Variants in DCLRE1C observed in about 807,000 individuals in gnomAD.
DCLRE1C encodes the protein protein artemis.
In DCLRE1C, 47 loss-of-function variants were observed where a neutral mutation model predicts 61.4. The observed-to-expected ratio is 0.77, with a 90% confidence interval of 0.61 to 0.98. DCLRE1C has a LOEUF of 0.98. Ranked by LOEUF, DCLRE1C falls within the 50% of genes least tolerant of loss-of-function variation. The probability of loss-of-function intolerance (pLI) is 0.00; values close to 1 mark genes in which losing one functional copy is unlikely to be tolerated. For synonymous variants in DCLRE1C, 337 were observed against 287.6 expected (o/e 1.17, Z -1.74); for missense variants, 858 against 816.0 (o/e 1.05, Z -0.63).
At position 14,919,827 on chromosome 10, in the gene DCLRE1C, T is replaced by G. The variant is rs1836805445; in HGVS notation, c.1067A>C (p.Lys356Thr). The part of the protein sequence containing the change: ...TTMDKVVEIL[K>T]PLCRSSQSTE... ...ACTTTGGGAAGACCGGCATAAAGGC[T>G]TTAAGCTGAAATGAATCAGAATATT... is the stretch of plus-strand genomic sequence containing the variant. The change falls in exon 13 of 14, where the codon AAG (lysine) becomes ACG (threonine). Residue 356 changes from lysine to threonine, a missense_variant. By Grantham distance (78) the Lys-to-Thr change is moderately conservative. Around this residue, in one of 2 missense-constraint regions of DCLRE1C, gnomAD observed 843 missense variants for 783.5 expected, o/e 1.08. Transcript: ENST00000378278. 1.2e-6 allele frequency: 2 copies of G among 1,611,886 alleles called. No homozygotes were observed. Among genetic ancestry groups the G allele is most frequent in the Admixed American group, 3.3e-5 (2 of 60,022 alleles).
chr10:14,902,185 CAAG>C (rs1834073025), downstream of DCLRE1C, among the ~76,000 whole-genome samples: 1 of 152,176 alleles, frequency 6.6e-6, no homozygotes, highest in South Asian at 2.1e-4. Context: ...ACCATCCTTT[CAAG>C]ACAATTCATT....
intron 2 of DCLRE1C, 93 bp downstream of exon 2, chr10:14,948,943 T>G (rs929498601): frequency 5.9e-5 from 52 of 886,692 alleles, no homozygotes; most frequent in Non-Finnish European, 8.6e-5. Flanking sequence ...ATTTTGTAAA[T>G]GACTATATGC....
chr10:14,906,803 TAACA>T lies in DCLRE1C; in HGVS notation c.*1601_*1604del, dbSNP rs1185476428. 6.6e-6 allele frequency among the ~76,000 whole-genome samples: 1 copy of T among 152,220 alleles called. No homozygotes were observed. The highest frequency in any genetic ancestry group is 1.5e-5 in the Non-Finnish European group (1 of 68,036). On this transcript the variant is annotated 3_prime_UTR_variant, in exon 14 of 14. Transcript: ENST00000378278. ...AAAACTTGTTAAAAATCCTCATACATAACACAAAAGCCTAACACATTGATGGACT... is the reference window on the plus strand; with the variant it reads ...AAAACTTGTTAAAAATCCTCATACATCAAAAGCCTAACACATTGATGGACT...
At chr10:14,938,253 T>C (rs572899165) in intron 4 of DCLRE1C, among the ~76,000 whole-genome samples, 34 of 152,304 alleles carry the variant, frequency 2.2e-4, no homozygotes, top group African/African-American at 7.2e-4. Flanking sequence ...CTTTCACCAA[T>C]ATCCCTGATT....
Position 14,908,557 on chromosome 10 carries a change from C to G in DCLRE1C, c.1930G>C (p.Asp644His). 1.2e-6 allele frequency: 2 copies of G among 1,614,154 alleles called. No homozygotes were observed. The highest frequency in any genetic ancestry group is 1.7e-6 in the Non-Finnish European group (2 of 1,180,032). The change falls in exon 14 of 14, where the codon GAT becomes CAT. Residue 644 changes from aspartate to histidine, a missense_variant. Asp to His is a moderately conservative substitution (Grantham distance 81). This residue lies in a region of DCLRE1C where 843 missense variants were observed against 783.5 expected (regional missense o/e 1.08). Coordinates refer to ENST00000378278, the MANE Select transcript of DCLRE1C (RefSeq NM_001033855.3). The stretch of plus-strand genomic sequence containing the variant: ...TCAAAATCAGAAGAGCTCTGGGAAT[C>G]TGCATTTGTGCTAAGATTTAGCAAA... ...KSLLNLSTNA[D>H]SQSSSDFEVP... is the part of the protein sequence containing the mutation.
Position 14,908,453 on chromosome 10 carries a change from C to T in DCLRE1C, c.2034G>A (p.Glu678=). ...QYLYEKLATG[E]SIAVKKRKCS... is the part of the protein sequence containing the mutation. ...ATTTTCTTTTTTTGACTGCTATACTCTCACCAGTTGCCAGCTTCTCATATA... is the reference window on the plus strand; with the variant it reads ...ATTTTCTTTTTTTGACTGCTATACTTTCACCAGTTGCCAGCTTCTCATATA... Residue 678 remains glutamate (E), a synonymous_variant, in exon 14 of 14, where the codon GAG becomes GAA. Transcript: ENST00000378278. 1 of 1,613,944 alleles carries T rather than the reference C, an allele frequency of 6.2e-7. No individual in the cohort carries two copies. The highest frequency in any genetic ancestry group is 8.5e-7 in the Non-Finnish European group (1 of 1,179,990).
At chr10:14,913,074 C>G (rs1308016302) in intron 13 of DCLRE1C, among the ~76,000 whole-genome samples, 1 of 152,044 alleles carries the variant, frequency 6.6e-6, no homozygotes, top group Non-Finnish European at 1.5e-5. Flanking sequence ...CCAGGATGGT[C>G]TCGATCTCTC....
chr10:14,931,850 C>G (rs986300180), intron 9 of DCLRE1C, among the ~76,000 whole-genome samples: 1 of 152,034 alleles, frequency 6.6e-6, no homozygotes, highest in South Asian at 2.1e-4. Context: ...ACCCCCCTGG[C>G]CAACATGGCG....
intron 3 of DCLRE1C, among the ~76,000 whole-genome samples, chr10:14,944,165 T>G (rs2131091818): frequency 6.6e-6 from 1 of 152,252 alleles, no homozygotes; most frequent in South Asian, 2.1e-4. Context: ...AATGAACACT[T>G]TACACTCTAA....
downstream of DCLRE1C, among the ~76,000 whole-genome samples, chr10:14,899,880 C>G (rs1189014228): frequency 6.6e-6 from 1 of 152,114 alleles, no homozygotes; most frequent in Non-Finnish European, 1.5e-5. Context: ...AGGTGCCTAC[C>G]AAATATTAAT....
At chr10:14,945,339 A>G (rs2131111612) in intron 2 of DCLRE1C, 150 bp from the exon 3 acceptor site, 2 of 1,402,170 alleles carry the variant, frequency 1.4e-6, no homozygotes, top group Non-Finnish European at 1.9e-6. Context: ...AAACACAAAT[A>G]CTAGCCTGGC....
intron 4 of DCLRE1C, among the ~76,000 whole-genome samples, chr10:14,937,281 C>CT (rs1162058273): frequency 0.01 from 1,136 of 110,594 alleles, 20 homozygotes; most frequent in East Asian, 0.034. Context: ...AAGCTATTTA[C>CT]TTTTTTTTTT....
intron 9 of DCLRE1C, among the ~76,000 whole-genome samples, chr10:14,928,641 G>A (rs1217654102): frequency 1.3e-5 from 2 of 152,170 alleles, no homozygotes; most frequent in Admixed American, 1.3e-4. Flanking sequence ...AGAGCCACAG[G>A]CTGAAGGATT....
At chr10:14,910,015 C>G (rs1834986017) in intron 13 of DCLRE1C, among the ~76,000 whole-genome samples, 1 of 152,126 alleles carries the variant, frequency 6.6e-6, no homozygotes, top group Non-Finnish European at 1.5e-5. Flanking sequence ...AGTATCTAAC[C>G]TAGGAAGAAA....
In DCLRE1C at chr10:14,935,296, A is replaced by ATC. The variant is rs1439741739; in HGVS notation, c.464+165_464+166dup. 2.0e-5 allele frequency among the ~76,000 whole-genome samples: 3 copies of ATC among 152,034 alleles called. No individual in the cohort carries two copies. The East Asian group carries it at 5.8e-4, about 30-fold the overall frequency. On this transcript the variant is annotated intron_variant, in intron 6 of 13. Transcript: ENST00000378278. ...AGCCTGCCCAACATGGCAAAACCCC[A>ATC]TCTCCACTAAAAATACAAAATTAGC...
intron 13 of DCLRE1C, among the ~76,000 whole-genome samples, chr10:14,915,598 C>A: frequency 6.6e-6 from 1 of 151,454 alleles, no homozygotes; most frequent in South Asian, 2.1e-4. Flanking sequence ...AAAAAATAAC[C>A]TGAATAGTCC....
intron 1 of DCLRE1C, among the ~76,000 whole-genome samples, chr10:14,950,229 A>G (rs1280822787): frequency 6.6e-6 from 1 of 151,962 alleles, no homozygotes; most frequent in Admixed American, 6.6e-5. Context: ...AATCCCAGCT[A>G]CTTGGGAGGC....
chr10:14,897,678 A>G (rs1462452434), exon 14 of DCLRE1C: 5 of 565,420 alleles, frequency 8.8e-6, no homozygotes, highest in Non-Finnish European at 1.3e-5. Flanking sequence ...TCACTGGCAT[A>G]TTTAGAAATA....
At position 14,948,929 on chromosome 10, in the gene DCLRE1C, GTTCA is replaced by G; in HGVS notation, c.161+103_161+106del. On this transcript the variant is annotated intron_variant, in intron 2 of 13. Coordinates refer to ENST00000378278, the MANE Select transcript of DCLRE1C (RefSeq NM_001033855.3). ...TCCTATTTCTTAATCTGGGTGATGCGTTCATTTTGTAAATGACTATATGCTTGGA... is the reference window on the plus strand; with the variant it reads ...TCCTATTTCTTAATCTGGGTGATGCGTTTTGTAAATGACTATATGCTTGGA... 3 of 812,054 alleles carry G rather than the reference GTTCA, an allele frequency of 3.7e-6. No individual in the cohort carries two copies. The South Asian group carries it at 4.3e-5, about 12-fold the overall frequency. 50.3% of individuals were successfully genotyped at this position (812,054 alleles called of 1,614,324 possible). A position where few individuals can be genotyped will look rare whatever the true frequency, so the allele number is the denominator to read the frequency against.
Sources: gnomAD v4.1 joint callset for allele counts (sites outside exome capture counted in the v4.1 genomes callset) on GRCh38, gnomAD v4.1.1 for gene constraint, gnomAD v4.1.1 regional missense constraint, MANE v1.5 for transcripts, NCBI Gene and HGNC (gene_info 2026-07-23, HGNC 2026-07-21) for gene names.